The following NLN variants were observed in gnomAD, a reference collection of about 807,000 sequenced individuals.
The protein encoded by NLN is neurolysin, mitochondrial.
NLN carries 64 observed loss-of-function variants against 79.9 expected under a neutral mutation model. The observed-to-expected ratio is 0.80, with a 90% CI of 0.65 to 0.99. The LOEUF is 0.99. Ranked by LOEUF, NLN falls within the 50% of genes least tolerant of loss-of-function variation. The pLI is 0.00. For missense variants in NLN, 835 were observed against 858.7 expected (o/e 0.97, Z 0.34); for synonymous variants, 267 against 296.6 (o/e 0.90, Z 1.02).
At chr5:65,809,453 T>A in intron 9 of NLN, 62 bp from the exon 10 acceptor site, 1 of 1,377,986 alleles carries the variant, frequency 7.3e-7, no homozygotes, top group Admixed American at 2.2e-5. Context: ...TCTTAATAAT[T>A]ATTCATTGCA....
At chr5:65,806,347 G>T (rs985988979) in intron 9 of NLN, among the ~76,000 whole-genome samples, 3 of 152,200 alleles carry the variant, frequency 2.0e-5, no homozygotes, top group Non-Finnish European at 2.9e-5. Flanking sequence ...CTTCTGGAAA[G>T]GATTCACCAT....
intron 1 of NLN, among the ~76,000 whole-genome samples, chr5:65,724,479 C>A (rs1308860696): frequency 6.6e-6 from 1 of 152,090 alleles, no homozygotes; most frequent in Non-Finnish European, 1.5e-5. Context: ...TTTTGTTTAT[C>A]CATTTGTCAG....
rs1760839619 is a variant in NLN, at chr5:65,823,226, G to A, written c.*311G>A. 4.8e-6 allele frequency: 1 copy of A among 208,886 alleles called. No homozygotes were observed. Among genetic ancestry groups the A allele is most frequent in the African/African-American group, 2.3e-5 (1 of 42,758 alleles). 12.9% of individuals were successfully genotyped at this position (208,886 alleles called of 1,614,324 possible). ...AATCTAGATAATATGATATAAGAGG[G>A]CTAAGAATTTTTAAATTGAATCATA... On this transcript the variant is annotated 3_prime_UTR_variant, in exon 13 of 13. Transcript: ENST00000380985.
chr5:65,758,329 A>G lies in NLN; in HGVS notation c.42-238A>G, dbSNP rs368797830. Among the ~76,000 whole-genome samples the G allele has an allele frequency of 8.5e-5, 13 of 152,346 alleles. No individual in the cohort carries two copies. The East Asian group carries it at 1.5e-3, about 18-fold the overall frequency. ...CTTTATTTATCTATATGATTTAATTACACAAACAATTCAGTGTTTGAATTA... is the reference window on the plus strand; with the variant it reads ...CTTTATTTATCTATATGATTTAATTGCACAAACAATTCAGTGTTTGAATTA... On this transcript the variant is annotated intron_variant, in intron 1 of 12. Coordinates refer to ENST00000380985, the MANE Select transcript of NLN (RefSeq NM_020726.5).
rs775140673 is a variant in NLN at position 65,792,598 on chromosome 5, C to T, written c.1470C>T (p.Asp490=). 7 of 1,613,812 alleles carry T rather than the reference C, an allele frequency of 4.3e-6. No individual in the cohort carries two copies. The highest frequency in any genetic ancestry group is 4.5e-5 in the East Asian group (2 of 44,886). Residue 490 remains aspartate, a synonymous_variant, in exon 9 of 13, where the codon GAC becomes GAT. Transcript: ENST00000380985. The part of the protein sequence containing the change: ...VAGRPSLLRH[D]EVRTYFHEFG... ...GTCGTCCCTCTCTCCTGAGACACGA[C>T]GAGGTGAGGACTTACTTTCATGAGT...
intron 12 of NLN, among the ~76,000 whole-genome samples, chr5:65,815,339 TC>T (rs1760647537): frequency 6.6e-6 from 1 of 152,210 alleles, no homozygotes; most frequent in African/African-American, 2.4e-5. Context: ...TCTCTATACT[TC>T]CTCTTATTCT....
intron 7 of NLN, among the ~76,000 whole-genome samples, chr5:65,786,876 A>T (rs749840426): frequency 6.6e-6 from 1 of 152,186 alleles, no homozygotes; most frequent in South Asian, 2.1e-4. Context: ...AATAAAAATA[A>T]TTTTTTAAAA....
chr5:65,768,363 G>A (rs1337702977), intron 3 of NLN, among the ~76,000 whole-genome samples: 1 of 152,130 alleles, frequency 6.6e-6, no homozygotes, highest in Non-Finnish European at 1.5e-5. Flanking sequence ...GAACTTAGGG[G>A]AAGCATTAGA....
At chr5:65,760,918 G>T (rs1163110706) in intron 2 of NLN, among the ~76,000 whole-genome samples, 2 of 152,098 alleles carry the variant, frequency 1.3e-5, no homozygotes, top group Admixed American at 6.6e-5. Context: ...GTTTGTTCTT[G>T]CTCCTCTATA....
At chr5:65,735,341 T>C (rs906880088) in intron 1 of NLN, among the ~76,000 whole-genome samples, 3 of 152,222 alleles carry the variant, frequency 2.0e-5, no homozygotes, top group Non-Finnish European at 4.4e-5. Flanking sequence ...AATAAATACT[T>C]ATTGAACACC....
chr5:65,773,810 G>A (rs1445324160), intron 3 of NLN, among the ~76,000 whole-genome samples: 2 of 152,076 alleles, frequency 1.3e-5, no homozygotes, highest in Non-Finnish European at 2.9e-5. Flanking sequence ...AGATGTGGTG[G>A]CATGTGCCTG....
chr5:65,818,759 T>C (rs1760728569), intron 12 of NLN: 1 of 152,364 alleles, frequency 6.6e-6, no homozygotes, highest in South Asian at 2.1e-4. Flanking sequence ...TCCCCCGTCC[T>C]TGGCTGGTCG....
intron 1 of NLN, among the ~76,000 whole-genome samples, chr5:65,729,576 A>G (rs1355541693): frequency 6.6e-6 from 1 of 151,874 alleles, no homozygotes; most frequent in Non-Finnish European, 1.5e-5. Flanking sequence ...GGGTTTTACC[A>G]TGTTGGCTAG....
intron 1 of NLN, among the ~76,000 whole-genome samples, chr5:65,750,509 A>G (rs1315130477): frequency 6.6e-6 from 1 of 152,222 alleles, no homozygotes; most frequent in Non-Finnish European, 1.5e-5. Context: ...GCTTGAGCCC[A>G]GGAATTGCTC....
At chr5:65,735,912 G>A (rs558521826) in intron 1 of NLN, among the ~76,000 whole-genome samples, 63 of 151,926 alleles carry the variant, frequency 4.1e-4, no homozygotes, top group Non-Finnish European at 7.1e-4. Context: ...CATTTCCAGA[G>A]CCTAATACTT....
intron 1 of NLN, among the ~76,000 whole-genome samples, chr5:65,727,885 G>A (rs1481565023): frequency 2.0e-5 from 3 of 152,144 alleles, no homozygotes; most frequent in Non-Finnish European, 4.4e-5. Context: ...TCCTGCCTCA[G>A]GCTCCTGAGT....
intron 1 of NLN, among the ~76,000 whole-genome samples, chr5:65,741,664 T>C (rs985864062): frequency 6.6e-6 from 1 of 152,232 alleles, no homozygotes; most frequent in South Asian, 2.1e-4. Flanking sequence ...AATTTATTCA[T>C]GTTTCTAGAG....
At chr5:65,814,607 G>A (rs911893897) in intron 12 of NLN, among the ~76,000 whole-genome samples, 13 of 151,922 alleles carry the variant, frequency 8.6e-5, no homozygotes, top group African/African-American at 2.7e-4. Context: ...AGCCTTCCCC[G>A]TCACCTCCTC....
chr5:65,772,522 A>G (rs1235285008), intron 3 of NLN, among the ~76,000 whole-genome samples: 1 of 152,186 alleles, frequency 6.6e-6, no homozygotes, highest in African/African-American at 2.4e-5. Context: ...GCAGACAACT[A>G]CCTAAGAATG....
Sources: gnomAD v4.1 joint callset for allele counts (sites outside exome capture counted in the v4.1 genomes callset) on GRCh38, gnomAD v4.1.1 for gene constraint, MANE v1.5 for transcripts, NCBI Gene and HGNC (gene_info 2026-07-23, HGNC 2026-07-21) for gene names.